SLCO1B1: variants seen among roughly 807,000 people sequenced by gnomAD.
SLCO1B1 encodes OATP-2.
A neutral mutation model predicts 70.1 loss-of-function variants in SLCO1B1; 81 were observed. The observed-to-expected ratio is 1.16, with a 90% CI of 0.97 to 1.39. The LOEUF (loss-of-function observed/expected upper bound fraction) is 1.39, where lower values mean the gene tolerates loss of function less well. Among genes scored for constraint, SLCO1B1 ranks in the 40% most tolerant of loss-of-function variants. The pLI, the probability that SLCO1B1 is intolerant of heterozygous loss-of-function variation, is 0.00. For missense variants in SLCO1B1, 895 were observed against 799.6 expected (o/e 1.12, Z -1.44); for synonymous variants, 283 against 271.5 (o/e 1.04, Z -0.42).
chr12:21,205,824 TTCTC>T (rs758413983), intron 10 of SLCO1B1, 40 bp from the exon 11 acceptor site: 23 of 1,427,266 alleles, frequency 1.6e-5, no homozygotes, highest in African/African-American at 2.8e-5. Context: ...TGTCTTTTTC[TTCTC>T]TCTCTCTCTT....
chr12:21,137,157 A>T (rs1489851151), intron 1 of SLCO1B1, among the ~76,000 whole-genome samples: 1 of 152,120 alleles, frequency 6.6e-6, no homozygotes, highest in East Asian at 1.9e-4. Flanking sequence ...ATATTGGTGA[A>T]CCACAAATGC....
At chr12:21,234,054 T>G (rs1255492099) in intron 14 of SLCO1B1, among the ~76,000 whole-genome samples, 1 of 152,234 alleles carries the variant, frequency 6.6e-6, no homozygotes, top group African/African-American at 2.4e-5. Flanking sequence ...AGCTGTGCAG[T>G]ACACCAGAGT....
chr12:21,182,258 G>A (rs1940909746), intron 7 of SLCO1B1, among the ~76,000 whole-genome samples: 1 of 152,098 alleles, frequency 6.6e-6, no homozygotes, highest in South Asian at 2.1e-4. Flanking sequence ...GTTGACATCT[G>A]GGATCCTACC....
At chr12:21,135,932 ATGGTCTTTACAATT>A (rs1312806436) in intron 1 of SLCO1B1, among the ~76,000 whole-genome samples, 1 of 152,104 alleles carries the variant, frequency 6.6e-6, no homozygotes, top group African/African-American at 2.4e-5. Flanking sequence ...CCTAGCCTTG[ATGGTCTTTACAATT>A]TGGCATGTTT....
chr12:21,133,896 T>C (rs1940177080), intron 1 of SLCO1B1, among the ~76,000 whole-genome samples: 1 of 152,232 alleles, frequency 6.6e-6, no homozygotes, highest in Non-Finnish European at 1.5e-5. Flanking sequence ...AGAGAGGGCA[T>C]CCCTGTCTTG....
intron 2 of SLCO1B1, 74 bp downstream of exon 2, chr12:21,141,732 A>G (rs968675977): frequency 3.5e-6 from 3 of 852,818 alleles, no homozygotes; most frequent in Admixed American, 4.1e-5. Context: ...GCAAGTTGTT[A>G]AAAAGAACAT....
intron 11 of SLCO1B1, among the ~76,000 whole-genome samples, chr12:21,207,158 G>A (rs1417264953): frequency 6.6e-6 from 1 of 151,798 alleles, no homozygotes; most frequent in African/African-American, 2.4e-5. Flanking sequence ...CTTATTTTAG[G>A]TAAAGGGGAT....
At chr12:21,136,598 T>A (rs1162492005) in intron 1 of SLCO1B1, among the ~76,000 whole-genome samples, 1 of 152,252 alleles carries the variant, frequency 6.6e-6, no homozygotes. Context: ...CCATCACTGA[T>A]AACCTTTCTT....
At chr12:21,225,518 T>C (rs919776657) in intron 14 of SLCO1B1, among the ~76,000 whole-genome samples, 1 of 152,160 alleles carries the variant, frequency 6.6e-6, no homozygotes, top group African/African-American at 2.4e-5. Context: ...ATAATTTCTT[T>C]CAATTATCTA....
Position 21,176,808 on chromosome 12 carries a change from C to A in SLCO1B1, c.392C>A (p.Ser131Ter). 1.3e-6 allele frequency: 2 copies of A among 1,538,212 alleles called. No homozygotes were observed. The highest frequency in any genetic ancestry group is 2.2e-5 in the South Asian group (2 of 89,838). ...YRYSKETNIN[S>*]SENSTSTLST... ...TATTCTAAAGAAACTAATATCAATT[C>A]ATCAGAAAATTCAACATCGACCTTA... Residue 131 changes from serine to a stop codon, truncating the protein, a stop_gained, in exon 5 of 15, where the codon TCA becomes TAA. Transcript: ENST00000256958. LOFTEE classifies it high-confidence loss of function.
At chr12:21,170,724 T>C (rs1318411324) in intron 2 of SLCO1B1, among the ~76,000 whole-genome samples, 1 of 152,238 alleles carries the variant, frequency 6.6e-6, no homozygotes, top group Non-Finnish European at 1.5e-5. Context: ...TACATTTTAT[T>C]TTAAAACTTT....
At chr12:21,208,190 C>G (rs1459405585) in intron 11 of SLCO1B1, among the ~76,000 whole-genome samples, 1 of 151,822 alleles carries the variant, frequency 6.6e-6, no homozygotes, top group Non-Finnish European at 1.5e-5. Context: ...CTTTTGAGAA[C>G]TTAGTCACAA....
chr12:21,148,992 A>T (rs747081063), intron 2 of SLCO1B1, among the ~76,000 whole-genome samples: 7 of 152,076 alleles, frequency 4.6e-5, no homozygotes, highest in Admixed American at 1.3e-4. Context: ...GCAATTGTGA[A>T]TGGAAGTTCA....
At chr12:21,194,175 C>G (rs934885285) in intron 7 of SLCO1B1, among the ~76,000 whole-genome samples, 1 of 151,512 alleles carries the variant, frequency 6.6e-6, no homozygotes, top group African/African-American at 2.4e-5. Flanking sequence ...GACACCATGC[C>G]CGGCTTATTT....
intron 2 of SLCO1B1, among the ~76,000 whole-genome samples, chr12:21,171,566 C>A (rs1475585005): frequency 6.6e-6 from 1 of 152,166 alleles, no homozygotes; most frequent in Non-Finnish European, 1.5e-5. Context: ...GAAGTAGAAA[C>A]ATGGCTCAGG....
At chr12:21,159,215 G>A (rs970688521) in intron 2 of SLCO1B1, among the ~76,000 whole-genome samples, 2 of 152,014 alleles carry the variant, frequency 1.3e-5, no homozygotes, top group Non-Finnish European at 2.9e-5. Flanking sequence ...AGCCAAAACT[G>A]TTTTTGAACA....
chr12:21,177,696 TA>T (rs1188972421), intron 5 of SLCO1B1, among the ~76,000 whole-genome samples: 6 of 152,048 alleles, frequency 3.9e-5, no homozygotes, highest in African/African-American at 1.4e-4. Flanking sequence ...CTTAAGGAAA[TA>T]ACCAGGAAAC....
intron 2 of SLCO1B1, among the ~76,000 whole-genome samples, chr12:21,144,386 GA>G (rs1017874791): frequency 6.6e-6 from 1 of 151,902 alleles, no homozygotes; most frequent in Non-Finnish European, 1.5e-5. Flanking sequence ...AAATATTAAT[GA>G]AAAAAACCTC....
chr12:21,141,713 T>C, intron 2 of SLCO1B1, 55 bp downstream of exon 2: 1 of 1,069,270 alleles, frequency 9.4e-7, no homozygotes, highest in Non-Finnish European at 1.4e-6. Flanking sequence ...AACTTTAATG[T>C]ATAGAAAAGC....
Sources: gnomAD v4.1 joint callset for allele counts (sites outside exome capture counted in the v4.1 genomes callset) on GRCh38, gnomAD v4.1.1 for gene constraint, MANE v1.5 for transcripts, NCBI Gene and HGNC (gene_info 2026-07-23, HGNC 2026-07-21) for gene names.